APLF: variants seen among roughly 807,000 people sequenced by gnomAD.
APLF encodes aprataxin and PNKP like factor.
A neutral mutation model predicts 55.6 loss-of-function variants in APLF; 61 were observed. That is an observed-to-expected ratio of 1.10 (90% confidence interval 0.89 to 1.36). The LOEUF is 1.36. Among genes scored for constraint, APLF ranks in the 40% most tolerant of loss-of-function variants. The pLI, the probability that APLF is intolerant of heterozygous loss-of-function variation, is 0.00. For synonymous variants in APLF, 207 were observed against 214.8 expected, an observed-to-expected ratio of 0.96 and a Z score of 0.32; for missense variants, 611 against 602.5, an observed-to-expected ratio of 1.01 and a Z score of -0.15.
chr2:68,534,574 C>T (rs1670338850), intron 6 of APLF, among the ~76,000 whole-genome samples: 1 of 152,088 alleles, frequency 6.6e-6, no homozygotes, highest in South Asian at 2.1e-4. Flanking sequence ...AATACATTCC[C>T]ACCACCTCCA....
intron 2 of APLF, among the ~76,000 whole-genome samples, chr2:68,492,112 C>T (rs1318053744): frequency 6.6e-6 from 1 of 151,988 alleles, no homozygotes; most frequent in Non-Finnish European, 1.5e-5. Flanking sequence ...AATAAAGGTG[C>T]TTAGTTGGAG....
intron 3 of APLF, among the ~76,000 whole-genome samples, chr2:68,506,510 GTTGTACAAGCTTTACATGTATGA>G (rs1676876253): frequency 6.6e-6 from 1 of 151,966 alleles, no homozygotes; most frequent in Non-Finnish European, 1.5e-5. Context: ...ACTGCTTACT[GTTGTACAAGCTTTACATGTATGA>G]ACTTTTTATT....
chr2:68,526,146 A>C lies in APLF; in HGVS notation c.708A>C (p.Leu236Phe). 6.2e-7 allele frequency: 1 copy of C among 1,614,004 alleles called. No homozygotes were observed. Among genetic ancestry groups the C allele is most frequent in the Non-Finnish European group, 8.5e-7 (1 of 1,179,978 alleles). The change falls in exon 6 of 10, where the codon TTA becomes TTC. Residue 236 changes from leucine to phenylalanine, a missense_variant. Physicochemically the swap from Leu to Phe is conservative, Grantham distance 22. Coordinates refer to ENST00000303795, the MANE Select transcript of APLF (RefSeq NM_173545.3). Reference protein sequence around the residue: ...LNTTQQGRRQLISSGSSENTS... With the variant: ...LNTTQQGRRQFISSGSSENTS... Reference sequence around the variant, plus strand: ...CAACCCAGCAAGGAAGAAGGCAATTAATTTCATCAGGAAGTTCAGAAAATA... The same window carrying C: ...CAACCCAGCAAGGAAGAAGGCAATTCATTTCATCAGGAAGTTCAGAAAATA...
Position 68,529,024 on chromosome 2 carries a change from C to T in APLF, c.804+2782C>T, listed in dbSNP as rs1372287494. ...GCTCTTCTGCCCTCACCTCCATTTT[C>T]GGGAGCCTGGCTGGGATCACCTGCT... On this transcript the variant is annotated intron_variant, in intron 6 of 9. Transcript: ENST00000303795. The surrounding 1 kb of genome is among the most constrained non-coding windows in gnomAD (Gnocchi z 4.4). The T allele has an allele frequency of 1.6e-5, 24 of 1,496,008 alleles. No homozygotes were observed. Among genetic ancestry groups the T allele is most frequent in the Admixed American group, 5.9e-5 (3 of 50,940 alleles). 92.7% of individuals were successfully genotyped at this position (1,496,008 alleles called of 1,614,324 possible).
chr2:68,519,088 TTA>T (rs1458103044), intron 5 of APLF, among the ~76,000 whole-genome samples: 7 of 125,710 alleles, frequency 5.6e-5, no homozygotes, highest in African/African-American at 2.1e-4. Context: ...TAATATATAA[TTA>T]ATATATAATA....
chr2:68,568,589 A>T (rs927849278), intron 9 of APLF, among the ~76,000 whole-genome samples: 8 of 152,156 alleles, frequency 5.3e-5, no homozygotes, highest in Non-Finnish European at 8.8e-5. Flanking sequence ...ATTGTATTTG[A>T]TTAAAAGTAT....
chr2:68,579,324 T>C lies in APLF; in HGVS notation c.*1302T>C, dbSNP rs1032976394. 6 of 923,572 alleles carry C rather than the reference T, an allele frequency of 6.5e-6. No individual in the cohort carries two copies. Among genetic ancestry groups the C allele is most frequent in the African/African-American group, 1.8e-5 (1 of 55,960 alleles). The allele number at this position is 923,572 out of a possible 1,614,324, so 57.2% of individuals were successfully genotyped here. A position where few individuals can be genotyped will look rare whatever the true frequency, so the allele number is the denominator to read the frequency against. The stretch of plus-strand genomic sequence containing the variant: ...CTTATTGTTATTTGGGAACTATTTT[T>C]CCCCTTATAATGTCCCTTTAGCCTT... On this transcript the variant is annotated 3_prime_UTR_variant, in exon 10 of 10. Transcript: ENST00000303795.
intron 5 of APLF, among the ~76,000 whole-genome samples, chr2:68,519,757 G>T (rs906345109): frequency 6.6e-6 from 1 of 151,354 alleles, no homozygotes; most frequent in African/African-American, 2.4e-5. Flanking sequence ...TTGCAATTGC[G>T]AATTGTGCTG....
intron 6 of APLF, among the ~76,000 whole-genome samples, chr2:68,533,475 A>G (rs1332523352): frequency 1.3e-5 from 2 of 152,214 alleles, no homozygotes; most frequent in Non-Finnish European, 2.9e-5. Flanking sequence ...TTAGTGGCTT[A>G]ACACAACATG....
At chr2:68,533,185 G>C (rs948782023) in intron 6 of APLF, among the ~76,000 whole-genome samples, 2 of 152,150 alleles carry the variant, frequency 1.3e-5, no homozygotes, top group African/African-American at 4.8e-5. Context: ...AATGCAGTAA[G>C]GAGCCTCACA....
intron 6 of APLF, chr2:68,528,310 C>T: frequency 7.0e-7 from 1 of 1,428,328 alleles, no homozygotes; most frequent in Non-Finnish European, 9.5e-7. Context: ...TACTTAACAC[C>T]CTCATGTTCT....
intron 5 of APLF, among the ~76,000 whole-genome samples, chr2:68,519,675 T>C (rs1458613050): frequency 6.7e-6 from 1 of 150,070 alleles, no homozygotes; most frequent in African/African-American, 2.4e-5. Flanking sequence ...TATATAAATA[T>C]ATGTATATAT....
chr2:68,534,406 G>A (rs1465759014), intron 6 of APLF, among the ~76,000 whole-genome samples: 2 of 152,076 alleles, frequency 1.3e-5, no homozygotes, highest in African/African-American at 4.8e-5. Flanking sequence ...AGACATTCTT[G>A]CCAGGAGCAG....
At position 68,546,803 on chromosome 2, in the gene APLF, C is replaced by A. The variant is rs1475111594; in HGVS notation, c.1286+1491C>A. On this transcript the variant is annotated intron_variant, in intron 8 of 9. Transcript: ENST00000303795. Reference sequence around the variant, plus strand: ...CAAAAAATTTATAGCAAATATTATACTTAAAATATTAAAAATTTCCTTTCT... The same window carrying A: ...CAAAAAATTTATAGCAAATATTATAATTAAAATATTAAAAATTTCCTTTCT... Among the ~76,000 whole-genome samples, 8 of 151,862 alleles carry A rather than the reference C, an allele frequency of 5.3e-5. No individual in the cohort carries two copies. In the South Asian group the frequency reaches 1.7e-3, roughly 32 times the overall value.
intron 7 of APLF, among the ~76,000 whole-genome samples, chr2:68,544,330 C>T (rs1202818282): frequency 6.6e-6 from 1 of 152,072 alleles, no homozygotes; most frequent in Non-Finnish European, 1.5e-5. Context: ...CCTTTTTTTA[C>T]TGCCATTCAC....
rs571667166 is a variant in APLF at position 68,518,363 on chromosome 2, T to C, written c.622+4683T>C. On this transcript the variant is annotated intron_variant, in intron 5 of 9. Coordinates refer to ENST00000303795, the MANE Select transcript of APLF (RefSeq NM_173545.3). ...ATAATTATATATTAATATAGCAATA[T>C]ATTAATATATGACTGTATTATATTA... Among the ~76,000 whole-genome samples the C allele has an allele frequency of 6.9e-3, 765 of 110,452 alleles. 2 individuals are homozygous for C. The highest frequency in any genetic ancestry group is 0.012 in the Middle Eastern group (1 of 82). The allele number at this position is 110,452 out of a possible 152,430, so 72.5% of individuals were successfully genotyped here.
intron 6 of APLF, among the ~76,000 whole-genome samples, chr2:68,534,997 C>G (rs1336089424): frequency 6.6e-6 from 1 of 152,136 alleles, no homozygotes; most frequent in African/African-American, 2.4e-5. Flanking sequence ...TACTATAAAT[C>G]AATATTTCAT....
intron 3 of APLF, among the ~76,000 whole-genome samples, chr2:68,506,576 G>T (rs1676877781): frequency 6.6e-6 from 1 of 151,954 alleles, no homozygotes; most frequent in Non-Finnish European, 1.5e-5. Flanking sequence ...ACTAGGTATT[G>T]TTAATATCCC....
intron 8 of APLF, among the ~76,000 whole-genome samples, chr2:68,562,483 A>G (rs1671197576): frequency 6.6e-6 from 1 of 152,042 alleles, no homozygotes; most frequent in Non-Finnish European, 1.5e-5. Context: ...GATAGAGATA[A>G]TGCATACATG....
Sources: allele counts gnomAD v4.1 joint callset (sites outside exome capture counted in the v4.1 genomes callset), GRCh38; gene constraint gnomAD v4.1.1; non-coding constraint Gnocchi (gnomAD v3.1); transcripts MANE v1.5; gene names NCBI Gene and HGNC (gene_info 2026-07-23, HGNC 2026-07-21).